FOXN4: variants seen among roughly 807,000 people sequenced by gnomAD.
FOXN4 encodes the protein forkhead box N4.
Under a neutral mutation model 45.0 loss-of-function variants are expected in FOXN4, and 12 were observed. That is an observed-to-expected ratio of 0.27 (90% CI 0.17 to 0.43). The LOEUF (loss-of-function observed/expected upper bound fraction) is 0.43. Among genes scored for constraint, FOXN4 ranks in the 20% least tolerant of loss-of-function variants. FOXN4 has a pLI of 1.00. For missense variants in FOXN4, 560 were observed against 694.9 expected (o/e 0.81, Z 2.18); for synonymous variants, 297 against 295.0 (o/e 1.01, Z -0.07).
intron 2 of FOXN4, among the ~76,000 whole-genome samples, chr12:109,303,825 G>A (rs1343280698): frequency 1.3e-5 from 2 of 152,160 alleles, no homozygotes; most frequent in Non-Finnish European, 2.9e-5. Context: ...CTTCATAAAT[G>A]TGTGCCTTTG....
chr12:109,293,324 T>C (rs2047786765), intron 2 of FOXN4, among the ~76,000 whole-genome samples: 1 of 151,946 alleles, frequency 6.6e-6, no homozygotes, highest in African/African-American at 2.4e-5. Flanking sequence ...TGGGAAGCCT[T>C]TGCCACCCAG....
At chr12:109,285,898 TTCCA>T (rs1016293783) in intron 7 of FOXN4, among the ~76,000 whole-genome samples, 1 of 151,274 alleles carries the variant, frequency 6.6e-6, no homozygotes, top group Admixed American at 6.6e-5. Context: ...CAGGGTCTTG[TTCCA>T]TCACCCAGGC....
chr12:109,285,623 G>C, intron 7 of FOXN4, 112 bp from the exon 8 acceptor site: 1 of 1,041,408 alleles, frequency 9.6e-7, no homozygotes, highest in South Asian at 1.5e-5. Flanking sequence ...GGAGTAATTT[G>C]ACAGTGCCTG....
intron 2 of FOXN4, among the ~76,000 whole-genome samples, chr12:109,304,919 TG>T (rs2047908122): frequency 6.6e-6 from 1 of 152,206 alleles, no homozygotes; most frequent in South Asian, 2.1e-4. Flanking sequence ...CCCCTCTGAA[TG>T]CCTTGACCCA....
chr12:109,299,705 G>A (rs139065609), intron 2 of FOXN4, among the ~76,000 whole-genome samples: 2,716 of 152,314 alleles, frequency 0.018, 325 homozygotes, highest in Admixed American at 0.16. Context: ...AGACAGATCC[G>A]GGCAAGGATT....
Position 109,290,189 on chromosome 12 carries a change from T to C in FOXN4, c.184A>G (p.Ser62Gly), listed in dbSNP as rs2136927558. Residue 62 changes from serine (S) to glycine (G), a missense_variant, in exon 3 of 10, where the codon AGT (serine) becomes GGT (glycine). Transcript: ENST00000299162. This position sits in a 1 kb window ranked among gnomAD's most constrained non-coding sequence, Gnocchi z 5.1. ...GGGCCACCCAGGTCCACGCGGCCAC[T>C]TGCCATCTGCTGCAGCCGAGGCACA... The part of the protein sequence containing the change: ...VDVPRLQQMA[S>G]GRVDLGGPCV... The C allele has an allele frequency of 6.4e-7, 1 of 1,551,418 alleles. No individual in the cohort carries two copies. The highest frequency in any genetic ancestry group is 8.7e-7 in the Non-Finnish European group (1 of 1,146,920).
intron 6 of FOXN4, 50 bp from the exon 7 acceptor site, chr12:109,286,794 C>T (rs1565999330): frequency 1.3e-6 from 2 of 1,562,528 alleles, no homozygotes; most frequent in African/African-American, 1.3e-5. Flanking sequence ...CAGGGCAGGC[C>T]AGGCATGAAA....
intron 2 of FOXN4, among the ~76,000 whole-genome samples, chr12:109,297,632 C>T (rs1208045923): frequency 6.6e-6 from 1 of 152,186 alleles, no homozygotes; most frequent in Non-Finnish European, 1.5e-5. Flanking sequence ...GCCACGGTGC[C>T]CAGCCTCCTT....
intron 2 of FOXN4, among the ~76,000 whole-genome samples, chr12:109,300,180 G>C (rs2047856992): frequency 6.6e-6 from 1 of 152,166 alleles, no homozygotes; most frequent in Admixed American, 6.5e-5. Context: ...CGTGAAGACA[G>C]CCAACAGCAG....
At position 109,287,155 on chromosome 12, in the gene FOXN4, C is replaced by T. The variant is rs957838791; in HGVS notation, c.596+242G>A. Among the ~76,000 whole-genome samples the T allele has an allele frequency of 2.2e-4, 33 of 152,290 alleles. No homozygotes were observed. Among genetic ancestry groups the T allele is most frequent in the East Asian group, 9.7e-4 (5 of 5,170 alleles). On this transcript the variant is annotated intron_variant, in intron 6 of 9. Coordinates refer to ENST00000299162, the MANE Select transcript of FOXN4 (RefSeq NM_213596.3). The surrounding 1 kb of genome is among the most constrained non-coding windows in gnomAD (Gnocchi z 4.1). Reference sequence around the variant, plus strand: ...AGGTCATCCCACTTCCCCAAGGCCACGTGGCTTATGAATGAAGTGAACTGT... The same window carrying T: ...AGGTCATCCCACTTCCCCAAGGCCATGTGGCTTATGAATGAAGTGAACTGT...
Position 109,287,357 on chromosome 12 carries a change from A to G in FOXN4, c.596+40T>C. The G allele has an allele frequency of 6.4e-7, 1 of 1,550,440 alleles. No homozygotes were observed. Among genetic ancestry groups the G allele is most frequent in the Non-Finnish European group, 8.7e-7 (1 of 1,146,554 alleles). ...GGGCAGCCTCATCCCTCTCTCCCGGAGCCGCCCTTGGCCCTGACCCGGCCC... is the reference window on the plus strand; with the variant it reads ...GGGCAGCCTCATCCCTCTCTCCCGGGGCCGCCCTTGGCCCTGACCCGGCCC... On this transcript the variant is annotated intron_variant, in intron 6 of 9. Transcript: ENST00000299162. The surrounding 1 kb of genome is among the most constrained non-coding windows in gnomAD (Gnocchi z 4.1).
At chr12:109,285,213 C>G (rs919538217) in intron 8 of FOXN4, 91 bp downstream of exon 8, 2 of 1,507,238 alleles carry the variant, frequency 1.3e-6, no homozygotes, top group Non-Finnish European at 9.0e-7. Context: ...TGGCCATGCT[C>G]TGGTGGATGT....
intron 2 of FOXN4, among the ~76,000 whole-genome samples, chr12:109,300,910 A>G (rs1433597976): frequency 1.3e-5 from 2 of 152,106 alleles, no homozygotes; most frequent in African/African-American, 2.4e-5. Context: ...CCCTGTCTCT[A>G]AAAAAATAAA....
Position 109,290,462 on chromosome 12 carries a change from G to A in FOXN4, c.87-176C>T, listed in dbSNP as rs117128450. The stretch of plus-strand genomic sequence containing the variant: ...GGGAACCTGGTCCCAGATCCCTTTC[G>A]GCAGCCAGATCTTTCATCCTCATCA... On this transcript the variant is annotated intron_variant, in intron 2 of 9. Coordinates refer to ENST00000299162, the MANE Select transcript of FOXN4 (RefSeq NM_213596.3). The surrounding 1 kb of genome is among the most constrained non-coding windows in gnomAD (Gnocchi z 5.1). Among the ~76,000 whole-genome samples the A allele has an allele frequency of 5.8e-4, 89 of 152,242 alleles. No homozygotes were observed. In the East Asian group the frequency reaches 0.012, roughly 20 times the overall value.
chr12:109,295,243 A>G (rs185175149), intron 2 of FOXN4, among the ~76,000 whole-genome samples: 49 of 152,312 alleles, frequency 3.2e-4, no homozygotes, highest in African/African-American at 1.2e-3. Context: ...GAGACCCTAA[A>G]TCAACCTCCT....
intron 3 of FOXN4, among the ~76,000 whole-genome samples, chr12:109,289,024 G>A (rs141237566): frequency 1.3e-5 from 2 of 152,350 alleles, no homozygotes; most frequent in African/African-American, 4.8e-5. Context: ...GTACCCAGCA[G>A]CCACAGTGGG....
In FOXN4 at chr12:109,289,632, C is replaced by T. The variant is rs183376754; in HGVS notation, c.232+509G>A. The stretch of plus-strand genomic sequence containing the variant: ...CCACTAGCTGCCTTTTATTGAGCAT[C>T]GACTGTGTGCCAGCCCCTACACTCA... On this transcript the variant is annotated intron_variant, in intron 3 of 9. Coordinates refer to ENST00000299162, the MANE Select transcript of FOXN4 (RefSeq NM_213596.3). Among the ~76,000 whole-genome samples the T allele has an allele frequency of 6.6e-5, 10 of 152,276 alleles. No individual in the cohort carries two copies. The South Asian group carries it at 1.5e-3, about 22-fold the overall frequency.
At chr12:109,286,958 G>T in intron 6 of FOXN4, 1 of 1,242,486 alleles carries the variant, frequency 8.0e-7, no homozygotes, top group Non-Finnish European at 1.1e-6. Flanking sequence ...ACAACAATTG[G>T]TACTGACTTG....
At position 109,291,119 on chromosome 12, in the gene FOXN4, C is replaced by A. The variant is rs945679059; in HGVS notation, c.87-833G>T. ...CAAGAGGCTCCAGTTAGGACCCACA[C>A]CCACCAGCCGCAACAGATTCATGGG... On this transcript the variant is annotated intron_variant, in intron 2 of 9. Transcript: ENST00000299162. This position sits in a 1 kb window ranked among gnomAD's most constrained non-coding sequence, Gnocchi z 6.6. Among the ~76,000 whole-genome samples, 1 of 152,160 alleles carries A rather than the reference C, an allele frequency of 6.6e-6. No homozygotes were observed. The highest frequency in any genetic ancestry group is 1.5e-5 in the Non-Finnish European group (1 of 68,034).
Sources: gnomAD v4.1 joint callset for allele counts (sites outside exome capture counted in the v4.1 genomes callset) on GRCh38, gnomAD v4.1.1 for gene constraint, Gnocchi (gnomAD v3.1) non-coding constraint, MANE v1.5 for transcripts, NCBI Gene and HGNC (gene_info 2026-07-23, HGNC 2026-07-21) for gene names.